HMGXB3: variants seen among roughly 807,000 people sequenced by gnomAD.
HMGXB3 encodes the protein HMG domain-containing protein 3.
HMGXB3 carries 45 observed loss-of-function variants against 121.5 expected under a neutral mutation model. The observed-to-expected ratio is 0.37, with a 90% confidence interval of 0.29 to 0.47. HMGXB3 has a LOEUF of 0.47. HMGXB3 is among the 20% of genes least tolerant of loss of function. The pLI, the probability that HMGXB3 is intolerant of heterozygous loss-of-function variation, is 0.99. For missense variants in HMGXB3, 1,376 were observed against 1,602.2 expected (o/e 0.86, Z 2.41); for synonymous variants, 590 against 624.1 (o/e 0.95, Z 0.81).
At chr5:150,016,519 T>C (rs1468939680) in intron 5 of HMGXB3, among the ~76,000 whole-genome samples, 6 of 152,234 alleles carry the variant, frequency 3.9e-5, no homozygotes, top group African/African-American at 1.4e-4. Context: ...AAATGACCTT[T>C]ATCTCTAGTA....
rs1756858652 is a variant in HMGXB3, at chr5:150,050,275, T to C, written c.3225T>C (p.Leu1075=). ...PHQVVCGSKY[L]VRGESARDHV... ...AGGTGGTCTGCGGCTCCAAGTATCT[T>C]GTGCGAGGTGAGAGTGCCCGTGACC... is the stretch of plus-strand genomic sequence containing the variant. The change falls in exon 19 of 20, where the codon CTT becomes CTC. Residue 1075 remains leucine (L), a synonymous_variant. Transcript: ENST00000502717. The C allele has an allele frequency of 1.9e-6, 3 of 1,551,780 alleles. No individual in the cohort carries two copies. Among genetic ancestry groups the C allele is most frequent in the Non-Finnish European group, 1.7e-6 (2 of 1,147,006 alleles).
intron 8 of HMGXB3, 63 bp downstream of exon 8, chr5:150,026,944 G>A: frequency 6.6e-7 from 1 of 1,526,102 alleles, no homozygotes; most frequent in Non-Finnish European, 8.8e-7. Flanking sequence ...AGGAGTGGGG[G>A]GTTGAGAACG....
At chr5:150,036,991 G>C in intron 12 of HMGXB3, 54 bp downstream of exon 12, 1 of 1,392,768 alleles carries the variant, frequency 7.2e-7, no homozygotes, top group Non-Finnish European at 9.7e-7. Context: ...GGCTCATACT[G>C]CTCTTTTCTT....
chr5:150,015,348 G>A (rs892918235), intron 5 of HMGXB3, among the ~76,000 whole-genome samples: 2 of 152,100 alleles, frequency 1.3e-5, no homozygotes, highest in Non-Finnish European at 1.5e-5. Flanking sequence ...GAGTGCAGTG[G>A]CACAATCATG....
At chr5:150,050,831 T>G (rs191105746) in intron 19 of HMGXB3, among the ~76,000 whole-genome samples, 41 of 152,326 alleles carry the variant, frequency 2.7e-4, no homozygotes, top group African/African-American at 9.1e-4. Flanking sequence ...CCACAGTATA[T>G]CACTTAGTGT....
intron 16 of HMGXB3, among the ~76,000 whole-genome samples, chr5:150,046,685 G>A (rs893206153): frequency 5.3e-5 from 8 of 152,038 alleles, no homozygotes; most frequent in South Asian, 2.1e-4. Context: ...GGTGGCGGGC[G>A]CCTGTAGTCC....
chr5:150,033,207 A>G (rs1288111447), intron 11 of HMGXB3, among the ~76,000 whole-genome samples: 1 of 152,108 alleles, frequency 6.6e-6, no homozygotes, highest in Non-Finnish European at 1.5e-5. Context: ...TTTCCATATG[A>G]GTTTTTTAAA....
At chr5:150,013,167 G>C (rs1281584324) in intron 5 of HMGXB3, among the ~76,000 whole-genome samples, 1 of 152,202 alleles carries the variant, frequency 6.6e-6, no homozygotes, top group Non-Finnish European at 1.5e-5. Flanking sequence ...TTGTCCTCAT[G>C]TAAGGAGGAA....
At chr5:150,030,931 G>A in intron 10 of HMGXB3, 92 bp downstream of exon 10, 2 of 881,716 alleles carry the variant, frequency 2.3e-6, no homozygotes, top group South Asian at 1.5e-5. Flanking sequence ...AGAGGGTGGT[G>A]GTAGCTGGGA....
rs147489392 is a variant in HMGXB3 at position 150,026,850 on chromosome 5, G to T, written c.1605G>T (p.Leu535=). The T allele has an allele frequency of 0.019, 29,751 of 1,526,292 alleles. 344 individuals carry two copies. Among genetic ancestry groups the T allele is most frequent in the Non-Finnish European group, 0.022 (25,533 of 1,135,070 alleles). The allele number at this position is 1,526,292 out of a possible 1,614,324, so 94.5% of individuals were successfully genotyped here. A position where few individuals can be genotyped will look rare whatever the true frequency, so the allele number is the denominator to read the frequency against. Residue 535 remains leucine, a synonymous_variant, in exon 8 of 20, where the codon CTG becomes CTT. Coordinates refer to ENST00000502717, the MANE Select transcript of HMGXB3 (RefSeq NM_014983.3). The part of the protein sequence containing the change: ...VNVGRGSSMG[L]PRARQAFSLS... ...TGGGGCGAGGCAGCAGCATGGGACT[G>T]CCCAGGGCCAGGCAGGCCTTTTCCC...
chr5:150,008,209 A>G (rs1755753559), intron 3 of HMGXB3, among the ~76,000 whole-genome samples: 1 of 152,128 alleles, frequency 6.6e-6, no homozygotes. Flanking sequence ...AAAAATTTAA[A>G]TCATCTGCAA....
In HMGXB3 at chr5:150,051,766, G is replaced by C. The variant is rs990929607; in HGVS notation, c.3453G>C (p.Val1151=). 2 of 1,542,226 alleles carry C rather than the reference G, an allele frequency of 1.3e-6. No homozygotes were observed. The highest frequency in any genetic ancestry group is 2.0e-5 in the Admixed American group (1 of 50,938). Residue 1151 remains valine, a synonymous_variant, in exon 20 of 20, where the codon GTG becomes GTC. Transcript: ENST00000502717. ...CPELLDQHYT[V]DMTETEHSIQ... Reference sequence around the variant, plus strand: ...AGCTCTTGGACCAGCATTATACTGTGGACATGACAGAAACTGAGCACTCTA... The same window carrying C: ...AGCTCTTGGACCAGCATTATACTGTCGACATGACAGAAACTGAGCACTCTA...
chr5:150,011,064 A>G (rs1158021811), intron 4 of HMGXB3, among the ~76,000 whole-genome samples: 1 of 151,990 alleles, frequency 6.6e-6, no homozygotes, highest in Non-Finnish European at 1.5e-5. Flanking sequence ...AGTAGCCAGG[A>G]TTATAGGCTT....
At chr5:150,013,093 A>G (rs1163620518) in intron 5 of HMGXB3, among the ~76,000 whole-genome samples, 1 of 152,156 alleles carries the variant, frequency 6.6e-6, no homozygotes, top group Non-Finnish European at 1.5e-5. Context: ...TTCTTGCCTT[A>G]TGATATTGTC....
chr5:150,037,010 A>G (rs762507631), intron 12 of HMGXB3, 73 bp downstream of exon 12: 288 of 1,257,802 alleles, frequency 2.3e-4, no homozygotes, highest in Non-Finnish European at 3.1e-4. Flanking sequence ...TTCAGAAAAC[A>G]TTAAAACTAT....
At chr5:150,035,637 G>C (rs1335166762) in intron 11 of HMGXB3, among the ~76,000 whole-genome samples, 2 of 152,146 alleles carry the variant, frequency 1.3e-5, no homozygotes, top group Non-Finnish European at 2.9e-5. Context: ...GAAGCGGGGA[G>C]GGTGGTGGTT....
chr5:150,029,242 T>A (rs948108894), intron 9 of HMGXB3, among the ~76,000 whole-genome samples: 1 of 152,138 alleles, frequency 6.6e-6, no homozygotes, highest in Non-Finnish European at 1.5e-5. Context: ...GATACAGATA[T>A]TAAAAATTTT....
intron 3 of HMGXB3, 87 bp downstream of exon 3, chr5:150,006,734 T>C (rs1210702773): frequency 4.0e-6 from 5 of 1,238,706 alleles, no homozygotes; most frequent in Non-Finnish European, 5.6e-6. Flanking sequence ...CTGTTTCCTT[T>C]TCTTTTTTTG....
At chr5:150,015,468 G>A (rs1230051442) in intron 5 of HMGXB3, among the ~76,000 whole-genome samples, 2 of 152,062 alleles carry the variant, frequency 1.3e-5, no homozygotes, top group African/African-American at 4.8e-5. Flanking sequence ...CAAATTATTT[G>A]CAGAGATGGG....
Sources: allele counts gnomAD v4.1 joint callset (sites outside exome capture counted in the v4.1 genomes callset), GRCh38; gene constraint gnomAD v4.1.1; transcripts MANE v1.5; gene names NCBI Gene and HGNC (gene_info 2026-07-23, HGNC 2026-07-21).